SUPT7L: variants seen among roughly 807,000 people sequenced by gnomAD.
The protein encoded by SUPT7L is SPT7 like, STAGA complex subunit gamma, also known as STAGA complex 65 subunit gamma.
A neutral mutation model predicts 35.7 loss-of-function variants in SUPT7L; 15 were observed. The ratio of observed to expected loss-of-function variants is 0.42; its 90% CI spans 0.28 to 0.65. SUPT7L has a LOEUF of 0.65. Ranked by LOEUF, SUPT7L falls within the 30% of genes least tolerant of loss-of-function variation. The pLI, the probability that SUPT7L is intolerant of heterozygous loss-of-function variation, is 0.23. For missense variants in SUPT7L, 434 were observed against 522.2 expected (o/e 0.83, Z 1.65); for synonymous variants, 168 against 186.2 (o/e 0.90, Z 0.79).
chr2:27,661,383 C>T lies in SUPT7L; in HGVS notation c.20G>A (p.Trp7Ter). 1 of 1,613,678 alleles carries T rather than the reference C, an allele frequency of 6.2e-7. No homozygotes were observed. The highest frequency in any genetic ancestry group is 8.5e-7 in the Non-Finnish European group (1 of 1,180,006). ...GCTTGATGATATTGGTATCTCTCCC[C>T]AGTATCTCAACATTTTGGAATAAGA... MNLQRY[W>*]GEIPISSSQT... is the part of the protein sequence containing the mutation. Residue 7 changes from tryptophan (W) to a stop codon, truncating the protein, a stop_gained, in exon 3 of 6, where the codon TGG becomes TAG. Coordinates refer to ENST00000337768, the MANE Select transcript of SUPT7L (RefSeq NM_014860.3). LOFTEE classifies it high-confidence loss of function.
At chr2:27,662,567 T>C (rs1268887937) in intron 1 of SUPT7L, among the ~76,000 whole-genome samples, 1 of 152,184 alleles carries the variant, frequency 6.6e-6, no homozygotes, top group Non-Finnish European at 1.5e-5. Flanking sequence ...GTCCCCACCG[T>C]CCGTCACTTC....
intron 2 of SUPT7L, 121 bp downstream of exon 2, chr2:27,662,058 C>A: frequency 7.3e-7 from 1 of 1,362,698 alleles, no homozygotes; most frequent in South Asian, 1.2e-5. Context: ...CTATTCTCTA[C>A]ACTGCTGCTA....
At chr2:27,642,969 A>ACACACACACG in the SUPT7L span, among the ~76,000 whole-genome samples, 1 of 150,704 alleles carries the variant, frequency 6.6e-6, no homozygotes, top group Non-Finnish European at 1.5e-5. Flanking sequence ...ACACACACAC[A>ACACACACACG]CACACACACA....
the SUPT7L span, among the ~76,000 whole-genome samples, chr2:27,644,711 T>G: frequency 6.6e-6 from 1 of 151,058 alleles, no homozygotes; most frequent in East Asian, 1.9e-4. Context: ...AGTGAGTTTT[T>G]TTTTTGGTAG....
chr2:27,663,604 A>T lies in SUPT7L; in HGVS notation c.-365T>A. On this transcript the variant is annotated 5_prime_UTR_variant, in exon 1 of 6. Coordinates refer to ENST00000337768, the MANE Select transcript of SUPT7L (RefSeq NM_014860.3). ...TCAGACCCCGAAAGCTGGTTTGTTG[A>T]TTAGTGATCTAAGACCGCCGGAAGC... 1 of 701,304 alleles carries T rather than the reference A, an allele frequency of 1.4e-6. No homozygotes were observed. The highest frequency in any genetic ancestry group is 1.8e-5 in the South Asian group (1 of 54,254). 43.4% of individuals were successfully genotyped at this position (701,304 alleles called of 1,614,324 possible). A position where few individuals can be genotyped will look rare whatever the true frequency, so the allele number is the denominator to read the frequency against.
chr2:27,645,321 T>C, the SUPT7L span, among the ~76,000 whole-genome samples: 1 of 152,214 alleles, frequency 6.6e-6, no homozygotes, highest in African/African-American at 2.4e-5. Context: ...TCCTTACTTT[T>C]ATGCCTGTAC....
the SUPT7L span, among the ~76,000 whole-genome samples, chr2:27,644,434 T>C: frequency 1.3e-5 from 2 of 152,212 alleles, no homozygotes; most frequent in South Asian, 4.1e-4. Context: ...GCAAAAGTTC[T>C]TATTTTGTTT....
In SUPT7L at chr2:27,657,522, A is replaced by G. The variant is rs757803327; in HGVS notation, c.567T>C (p.Tyr189=). The G allele has an allele frequency of 6.2e-7, 1 of 1,614,214 alleles. No individual in the cohort carries two copies. Among genetic ancestry groups the G allele is most frequent in the Non-Finnish European group, 8.5e-7 (1 of 1,180,026 alleles). Residue 189 remains tyrosine, a synonymous_variant, in exon 4 of 6, where the codon TAT becomes TAC. Coordinates refer to ENST00000337768, the MANE Select transcript of SUPT7L (RefSeq NM_014860.3). The surrounding 1 kb of genome is among the most constrained non-coding windows in gnomAD (Gnocchi z 5.2). ...GCAGCAACTTGGTAAACTTAAGGCA[A>G]TACTCATGTGCCACATCAGTTAGGG... ...LETLTDVAHE[Y]CLKFTKLLRF...
In SUPT7L at chr2:27,660,985, G is replaced by A. The variant is rs545468088; in HGVS notation, c.418C>T (p.Arg140Cys). The A allele has an allele frequency of 1.6e-5, 25 of 1,612,172 alleles. No homozygotes were observed. The highest frequency in any genetic ancestry group is 3.3e-5 in the Admixed American group (2 of 59,922). ...AGATACAGCAAAGCCTTGCCTTACC[G>A]ATAAAAGTCACTCTCTGGGTCACTG... ...RHSDPESDFY[R>C]GKGEPVTELS... The change falls in exon 3 of 6, where the codon CGT (arginine) becomes TGT (cysteine). Residue 140 changes from arginine to cysteine, a missense_variant and splice_region_variant. Physicochemically the swap from Arg to Cys is radical, Grantham distance 180. This residue lies in a region of SUPT7L where 198 missense variants were observed against 190.8 expected (regional missense o/e 1.04). Coordinates refer to ENST00000337768, the MANE Select transcript of SUPT7L (RefSeq NM_014860.3).
chr2:27,661,053 G>A lies in SUPT7L; in HGVS notation c.350C>T (p.Pro117Leu), dbSNP rs1271738934. 6 of 1,614,040 alleles carry A rather than the reference G, an allele frequency of 3.7e-6. No individual in the cohort carries two copies. In the African/African-American group the frequency reaches 6.7e-5, roughly 18 times the overall value. The change falls in exon 3 of 6, where the codon CCT becomes CTT. Residue 117 changes from proline to leucine, a missense_variant. Physicochemically the swap from Pro to Leu is moderately conservative, Grantham distance 98 (BLOSUM62 -3). Around this residue, in one of 3 missense-constraint regions of SUPT7L, gnomAD observed 198 missense variants for 190.8 expected, o/e 1.04. Coordinates refer to ENST00000337768, the MANE Select transcript of SUPT7L (RefSeq NM_014860.3). ...TGCATTGGGATTCTTACAATCTAAA[G>A]GCAGGAGGTCATCAGGGAGAGGAGG... ...GSPPLPDDLL[P>L]LDCKNPNAPF...
chr2:27,660,758 T>C (rs767110449), intron 3 of SUPT7L, among the ~76,000 whole-genome samples: 5 of 152,172 alleles, frequency 3.3e-5, no homozygotes, highest in Non-Finnish European at 7.3e-5. Flanking sequence ...AGTAAAGTGC[T>C]TGGCACATAG....
downstream of SUPT7L, among the ~76,000 whole-genome samples, chr2:27,647,059 G>T (rs1674268595): frequency 7.7e-6 from 1 of 129,610 alleles, no homozygotes; most frequent in Non-Finnish European, 1.5e-5. Flanking sequence ...TTGCATAATT[G>T]TTAGGCACAG....
At chr2:27,648,445 G>C (rs1350594035), downstream of SUPT7L, among the ~76,000 whole-genome samples, 1 of 152,182 alleles carries the variant, frequency 6.6e-6, no homozygotes, top group African/African-American at 2.4e-5. Context: ...CTTGAGCCCA[G>C]AAGTTTGAGG....
chr2:27,644,638 G>A, the SUPT7L span, among the ~76,000 whole-genome samples: 3 of 149,334 alleles, frequency 2.0e-5, no homozygotes, highest in South Asian at 6.3e-4. Flanking sequence ...TATATAAGTC[G>A]GTGTTATTTT....
At chr2:27,642,822 C>A in the SUPT7L span, among the ~76,000 whole-genome samples, 11 of 152,000 alleles carry the variant, frequency 7.2e-5, no homozygotes, top group Admixed American at 5.2e-4. Context: ...ACCTGGGCCT[C>A]CCAAAATGCT....
chr2:27,654,974 C>T (rs1002473027), intron 5 of SUPT7L, among the ~76,000 whole-genome samples: 1 of 152,108 alleles, frequency 6.6e-6, no homozygotes, highest in African/African-American at 2.4e-5. Flanking sequence ...ATCTATCTGG[C>T]AGCTGTCTTA....
intron 4 of SUPT7L, 67 bp from the exon 5 acceptor site, chr2:27,655,669 C>T (rs551336918): frequency 1.6e-5 from 22 of 1,356,086 alleles, no homozygotes; most frequent in Admixed American, 4.7e-5. Context: ...CAGCTTGTGA[C>T]GTCCCATGGA....
chr2:27,662,350 T>C (rs1413846160), intron 1 of SUPT7L, 69 bp from the exon 2 acceptor site: 46 of 762,394 alleles, frequency 6.0e-5, no homozygotes, highest in Non-Finnish European at 9.2e-5. Context: ...GTTCTAGAGG[T>C]ATATGGACCT....
At chr2:27,642,609 T>C in the SUPT7L span, 1 of 815,174 alleles carries the variant, frequency 1.2e-6, no homozygotes, top group Non-Finnish European at 2.0e-6. Flanking sequence ...GGAGTTTCAC[T>C]CTTGTTGCCC....
Sources: gnomAD v4.1 joint callset for allele counts (sites outside exome capture counted in the v4.1 genomes callset) on GRCh38, gnomAD v4.1.1 for gene constraint, gnomAD v4.1.1 regional missense constraint, Gnocchi (gnomAD v3.1) non-coding constraint, MANE v1.5 for transcripts, NCBI Gene and HGNC (gene_info 2026-07-23, HGNC 2026-07-21) for gene names.